Variants in GPM6B observed in about 807,000 individuals in gnomAD.
GPM6B encodes the protein glycoprotein M6B.
In GPM6B, 4 loss-of-function variants were observed where a neutral mutation model predicts 27.2. That is an observed-to-expected ratio of 0.15 (90% CI 0.07 to 0.34). The LOEUF is 0.34. Among genes scored for constraint, GPM6B ranks in the 10% least tolerant of loss-of-function variants. GPM6B has a pLI of 1.00. For synonymous variants in GPM6B, 124 were observed against 103.1 expected (o/e 1.20, Z -1.23); for missense variants, 183 against 261.9 (o/e 0.70, Z 2.08).
At chrX:13,867,443 T>C (rs1162080446) in intron 1 of GPM6B, among the ~76,000 whole-genome samples, 1 of 112,187 alleles carries the variant, frequency 8.9e-6, no homozygotes, top group Non-Finnish European at 1.9e-5. Flanking sequence ...CCAGCTATTC[T>C]TGTTCACAAG....
chrX:13,865,001 A>T (rs1466198542), intron 1 of GPM6B, among the ~76,000 whole-genome samples: 2 of 112,318 alleles, frequency 1.8e-5, no homozygotes, highest in Non-Finnish European at 3.8e-5. Context: ...AATATACTGT[A>T]ATCAAAGTTA....
At chrX:13,777,848 G>A (rs1425585880) in intron 5 of GPM6B, among the ~76,000 whole-genome samples, 1 of 111,852 alleles carries the variant, frequency 8.9e-6, no homozygotes, top group Admixed American at 9.5e-5. Context: ...TGCTGTCCAA[G>A]CTCTGTTACT....
intron 1 of GPM6B, among the ~76,000 whole-genome samples, chrX:13,844,445 T>G (rs188316807): frequency 8.9e-6 from 1 of 112,598 alleles, no homozygotes; most frequent in Admixed American, 9.4e-5. Context: ...AGTGCCTTCA[T>G]CTTCTGACAG....
chrX:13,783,455 C>T lies in GPM6B; in HGVS notation c.435G>A (p.Leu145=). 1 of 1,203,671 alleles carries T rather than the reference C, an allele frequency of 8.3e-7. No homozygotes were observed. Among genetic ancestry groups the T allele is most frequent in the Non-Finnish European group, 1.1e-6 (1 of 888,539 alleles). ...TTGTGGTGTAAAAGCCTTCTGCCAA[C>T]AGAATGATCCCATACAAGAAGAAAA... ...ASFFFLYGII[L]LAEGFYTTSA... is the part of the protein sequence containing the mutation. Residue 145 remains leucine, a synonymous_variant, in exon 4 of 8, where the codon CTG becomes CTA. Transcript: ENST00000316715.
At chrX:13,776,681 C>T (rs2048419223) in intron 6 of GPM6B, among the ~76,000 whole-genome samples, 1 of 112,165 alleles carries the variant, frequency 8.9e-6, no homozygotes, top group African/African-American at 3.2e-5. Context: ...TTCTGTAACT[C>T]ACTGCTTCTT....
chrX:13,930,686 C>T, intron 1 of GPM6B, among the ~76,000 whole-genome samples: 1 of 111,262 alleles, frequency 9.0e-6, no homozygotes, highest in East Asian at 2.8e-4. Flanking sequence ...ACAGATAATA[C>T]AAAATATTAT....
At chrX:13,808,610 C>T (rs898676241) in intron 1 of GPM6B, among the ~76,000 whole-genome samples, 4 of 111,248 alleles carry the variant, frequency 3.6e-5, no homozygotes, top group African/African-American at 1.3e-4. Flanking sequence ...AGTTTATCTC[C>T]GAGAATCCCA....
chrX:13,789,330 T>G (rs1177135388), intron 2 of GPM6B, among the ~76,000 whole-genome samples: 19 of 111,801 alleles, frequency 1.7e-4, no homozygotes, highest in Admixed American at 1.6e-3. Flanking sequence ...TATCACACAC[T>G]CATCCTAGAG....
chrX:13,789,451 C>T (rs1215175124), intron 2 of GPM6B, among the ~76,000 whole-genome samples: 1 of 112,011 alleles, frequency 8.9e-6, no homozygotes, highest in African/African-American at 3.2e-5. Context: ...TCCAGGCCAC[C>T]TTAAGAATTC....
At chrX:13,797,324 G>A (rs1010663149) in intron 2 of GPM6B, among the ~76,000 whole-genome samples, 1 of 111,566 alleles carries the variant, frequency 9.0e-6, no homozygotes, top group African/African-American at 3.3e-5. Context: ...AGGGATATGG[G>A]GGAGTGAGGT....
intron 1 of GPM6B, among the ~76,000 whole-genome samples, chrX:13,901,189 A>C (rs1238721708): frequency 8.9e-6 from 1 of 111,917 alleles, no homozygotes; most frequent in Non-Finnish European, 1.9e-5. Flanking sequence ...ACTGAATTGG[A>C]AACATCCACT....
At position 13,849,127 on chromosome X, in the gene GPM6B, T is replaced by G. The variant is rs142966866; in HGVS notation, c.-197-63319A>C. ...GATGGAAATACTCTGGTAAATTTTA[T>G]AATATGTAAATTATACCCAAATACA... On this transcript the variant is annotated intron_variant, in intron 1 of 6. Coordinates refer to the GPM6B transcript ENST00000398361. 5.8e-3 allele frequency among the ~76,000 whole-genome samples: 651 copies of G among 112,468 alleles called. 3 individuals are homozygous for G. Among genetic ancestry groups the G allele is most frequent in the African/African-American group, 0.02 (607 of 30,994 alleles).
rs751564574 is a variant in GPM6B, at chrX:13,777,724, T to C, written c.698-299A>G. 7.1e-5 allele frequency among the ~76,000 whole-genome samples: 8 copies of C among 112,508 alleles called. No homozygotes were observed. In the South Asian group the frequency reaches 2.9e-3, roughly 41 times the overall value. On this transcript the variant is annotated intron_variant, in intron 5 of 7. Transcript: ENST00000316715. ...TTTGGAAGTTCATATTTGTAAACAT[T>C]AATTTTCAAAGCCAGGCTTTCCCTA... is the stretch of plus-strand genomic sequence containing the variant.
chrX:13,839,579 C>A (rs2049547895), intron 1 of GPM6B, among the ~76,000 whole-genome samples: 1 of 111,200 alleles, frequency 9.0e-6, no homozygotes, highest in Admixed American at 9.6e-5. Context: ...CCTGGCTCAG[C>A]CTCTTTCTGG....
At chrX:13,877,531 T>A (rs1327080198) in intron 1 of GPM6B, among the ~76,000 whole-genome samples, 1 of 109,939 alleles carries the variant, frequency 9.1e-6, no homozygotes, top group East Asian at 2.8e-4. Flanking sequence ...TCTAATATTT[T>A]AAAAAAATGA....
chrX:13,897,576 G>A (rs1456818601), intron 1 of GPM6B, among the ~76,000 whole-genome samples: 6 of 111,474 alleles, frequency 5.4e-5, no homozygotes, highest in African/African-American at 2.0e-4. Context: ...CTAGATCTAC[G>A]CATCAATCTA....
intron 1 of GPM6B, among the ~76,000 whole-genome samples, chrX:13,822,435 G>A (rs763541121): frequency 3.6e-5 from 4 of 109,739 alleles, no homozygotes; most frequent in Non-Finnish European, 7.6e-5. Context: ...GTGCAATCTC[G>A]GCTCACTGTA....
chrX:13,788,231 G>A (rs1160396084), intron 2 of GPM6B, among the ~76,000 whole-genome samples: 1 of 111,732 alleles, frequency 8.9e-6, no homozygotes, highest in African/African-American at 3.3e-5. Context: ...TCAGTATTTT[G>A]TGAAGACCTA....
chrX:13,821,316 A>T (rs1169832191), upstream of GPM6B, among the ~76,000 whole-genome samples: 2 of 112,270 alleles, frequency 1.8e-5, no homozygotes, highest in Non-Finnish European at 3.8e-5. Flanking sequence ...ACCTGGCAAG[A>T]TCATATTGGA....
Sources: allele counts gnomAD v4.1 joint callset (sites outside exome capture counted in the v4.1 genomes callset), GRCh38; gene constraint gnomAD v4.1.1; transcripts MANE v1.5; gene names NCBI Gene and HGNC (gene_info 2026-07-23, HGNC 2026-07-21).